Variants in PCDHA5 observed in about 807,000 individuals in gnomAD.
The protein encoded by PCDHA5 is protocadherin alpha-5.
In PCDHA5, 43 loss-of-function variants were observed where a neutral mutation model predicts 61.6. The ratio of observed to expected loss-of-function variants is 0.70; its 90% CI spans 0.55 to 0.90. The LOEUF (loss-of-function observed/expected upper bound fraction) is 0.90, where lower values mean the gene tolerates loss of function less well. Ranked by LOEUF, PCDHA5 falls within the 40% of genes least tolerant of loss-of-function variation. The pLI is 0.00. For synonymous variants in PCDHA5, 627 were observed against 543.9 expected (o/e 1.15, Z -2.13); for missense variants, 1,298 against 1,222.7 (o/e 1.06, Z -0.92).
chr5:140,946,936 A>T (rs1344601116), intron 1 of PCDHA5, among the ~76,000 whole-genome samples: 1 of 151,482 alleles, frequency 6.6e-6, no homozygotes, highest in Non-Finnish European at 1.5e-5. Context: ...AGTAGAGTGT[A>T]GTTAAGAATA....
chr5:140,866,964 C>T (rs1197921114), intron 1 of PCDHA5: 1 of 152,102 alleles, frequency 6.6e-6, no homozygotes, highest in East Asian at 1.9e-4. Flanking sequence ...GAGATGGTGA[C>T]ATCTGAAATA....
intron 1 of PCDHA5, chr5:140,841,773 G>T (rs1292935559): frequency 6.2e-7 from 1 of 1,613,894 alleles, no homozygotes; most frequent in Admixed American, 1.7e-5. Flanking sequence ...CCAGACTCTC[G>T]GTTTCCGCTA....
chr5:140,968,057 C>G, intron 1 of PCDHA5: 1 of 1,614,110 alleles, frequency 6.2e-7, no homozygotes, highest in African/African-American at 1.3e-5. Flanking sequence ...GGACCGAGAG[C>G]GGGTGGCTGT....
At chr5:140,902,709 TC>T (rs1248555909) in intron 1 of PCDHA5, among the ~76,000 whole-genome samples, 11 of 152,060 alleles carry the variant, frequency 7.2e-5, no homozygotes, top group Admixed American at 4.6e-4. Flanking sequence ...TATCTTTCAC[TC>T]CCCTCCCACC....
chr5:140,917,817 T>C (rs2078372214), intron 1 of PCDHA5, among the ~76,000 whole-genome samples: 1 of 152,162 alleles, frequency 6.6e-6, no homozygotes, highest in Non-Finnish European at 1.5e-5. Flanking sequence ...TAGTTGAAGT[T>C]GGGTAGTGTG....
chr5:140,968,008 C>T, intron 1 of PCDHA5: 1 of 1,614,202 alleles, frequency 6.2e-7, no homozygotes, highest in Non-Finnish European at 8.5e-7. Flanking sequence ...GACTGAATGG[C>T]TTTGGAAACT....
intron 1 of PCDHA5, among the ~76,000 whole-genome samples, chr5:140,915,075 A>G (rs111889109): frequency 6.6e-6 from 1 of 151,436 alleles, no homozygotes; most frequent in South Asian, 2.1e-4. Context: ...CCTACTGAGT[A>G]GCTGGGACTA....
In PCDHA5 at chr5:140,822,438, A is replaced by G. The variant is rs149277994; in HGVS notation, c.663A>G (p.Leu221=). 11 of 1,613,682 alleles carry G rather than the reference A, an allele frequency of 6.8e-6. No homozygotes were observed. Among genetic ancestry groups the G allele is most frequent in the Non-Finnish European group, 8.5e-6 (10 of 1,179,822 alleles). Residue 221 remains leucine, a synonymous_variant, in exon 1 of 4, where the codon CTA becomes CTG. Transcript: ENST00000529859. ...VIATDGGKPE[L]TGTVQLLINV... is the part of the protein sequence containing the mutation. Reference sequence around the variant, plus strand: ...CAACTGATGGAGGAAAACCCGAACTAACAGGTACAGTTCAGTTGTTGATCA... The same window carrying G: ...CAACTGATGGAGGAAAACCCGAACTGACAGGTACAGTTCAGTTGTTGATCA...
At position 140,850,000 on chromosome 5, in the gene PCDHA5, G is replaced by A. The variant is rs2150462633; in HGVS notation, c.2352+25873G>A. 7 of 1,597,068 alleles carry A rather than the reference G, an allele frequency of 4.4e-6. No individual in the cohort carries two copies. In the Admixed American group the frequency reaches 8.4e-5, roughly 19 times the overall value. ...CTGGTGGAGCGGCGGTTGGGCGAGCGCTCGCTGTCGAGCTACGTGTCAGTG... is the reference window on the plus strand; with the variant it reads ...CTGGTGGAGCGGCGGTTGGGCGAGCACTCGCTGTCGAGCTACGTGTCAGTG... On this transcript the variant is annotated intron_variant, in intron 1 of 3. Transcript: ENST00000529859.
chr5:140,850,575 G>A, intron 1 of PCDHA5: 1 of 1,598,458 alleles, frequency 6.3e-7, no homozygotes, highest in Non-Finnish European at 8.6e-7. Flanking sequence ...GGTGACGCTG[G>A]TGGATGTCAA....
intron 1 of PCDHA5, chr5:140,852,034 G>A (rs1233314142): frequency 2.1e-6 from 2 of 935,712 alleles, no homozygotes; most frequent in Non-Finnish European, 2.6e-6. Flanking sequence ...CGCTTATTGA[G>A]TTTTTGTTAT....
At chr5:140,860,642 GAAGAT>G (rs144102428) in intron 1 of PCDHA5, 5 of 152,352 alleles carry the variant, frequency 3.3e-5, no homozygotes, top group African/African-American at 1.2e-4. Context: ...CAGGAACGAA[GAAGAT>G]AAGTGAAATA....
At chr5:140,967,593 T>C (rs2096161783) in intron 1 of PCDHA5, 2 of 1,614,078 alleles carry the variant, frequency 1.2e-6, no homozygotes, top group Non-Finnish European at 1.7e-6. Context: ...GGCACATTGG[T>C]GGTGAAGCTG....
chr5:140,842,018 C>T, intron 1 of PCDHA5: 1 of 1,613,764 alleles, frequency 6.2e-7, no homozygotes, highest in Non-Finnish European at 8.5e-7. Context: ...GGTCACAGTG[C>T]TGGATGTGAA....
chr5:141,000,361 GTCTCTCTCTC>G lies in PCDHA5; in HGVS notation c.2501-9240_2501-9231del, dbSNP rs148596731. Reference sequence around the variant, plus strand: ...CCTATCTCTCTCTCTGTCTCTCTCTGTCTCTCTCTCTCTCTCTCTCTCTCTCTCTCTCTCT... The same window carrying G: ...CCTATCTCTCTCTCTGTCTCTCTCTGTCTCTCTCTCTCTCTCTCTCTCTCT... On this transcript the variant is annotated intron_variant, in intron 3 of 3. Transcript: ENST00000529859. 0.019 allele frequency among the ~76,000 whole-genome samples: 511 copies of G among 26,396 alleles called. 13 individuals carry two copies. In the Middle Eastern group the frequency reaches 0.2, roughly 10 times the overall value. The allele number at this position is 26,396 out of a possible 152,430, so 17.3% of individuals were successfully genotyped here.
At chr5:140,899,032 A>G (rs1377878756) in intron 1 of PCDHA5, among the ~76,000 whole-genome samples, 2 of 151,890 alleles carry the variant, frequency 1.3e-5, no homozygotes, top group African/African-American at 4.8e-5. Context: ...ATTTTTGTAC[A>G]TTGATTTTGT....
intron 1 of PCDHA5, among the ~76,000 whole-genome samples, chr5:140,893,419 G>A (rs2063984571): frequency 6.6e-6 from 1 of 152,158 alleles, no homozygotes; most frequent in African/African-American, 2.4e-5. Context: ...TAGGGAGGCA[G>A]AGGCAGGAAG....
Position 141,002,911 on chromosome 5 carries a change from G to C in PCDHA5, c.2501-6716G>C, listed in dbSNP as rs565172510. Among the ~76,000 whole-genome samples the C allele has an allele frequency of 3.3e-5, 5 of 152,330 alleles. No homozygotes were observed. The South Asian group carries it at 1.0e-3, about 32-fold the overall frequency. On this transcript the variant is annotated intron_variant, in intron 3 of 3. Transcript: ENST00000529859. ...ACAAAGCAAGATGAAGAGAAGATCA[G>C]AAAAGTGAACACCCTCCAACACCCT...
intron 1 of PCDHA5, among the ~76,000 whole-genome samples, chr5:140,936,899 A>G (rs2091202352): frequency 6.6e-6 from 1 of 152,188 alleles, no homozygotes; most frequent in South Asian, 2.1e-4. Context: ...AATTGGCACT[A>G]TATTGAATCT....
Sources: gnomAD v4.1 joint callset for allele counts (sites outside exome capture counted in the v4.1 genomes callset) on GRCh38, gnomAD v4.1.1 for gene constraint, MANE v1.5 for transcripts, NCBI Gene and HGNC (gene_info 2026-07-23, HGNC 2026-07-21) for gene names.